GSAP: variants seen among roughly 807,000 people sequenced by gnomAD.
GSAP encodes gamma-secretase-activating protein.
GSAP carries 118 observed loss-of-function variants against 131.7 expected under a neutral mutation model. The observed-to-expected ratio is 0.90, with a 90% CI of 0.77 to 1.04. GSAP has a LOEUF of 1.04. GSAP is among the 50% of genes least tolerant of loss of function. The pLI is 0.00. For missense variants in GSAP, 1,019 were observed against 1,013.2 expected, an observed-to-expected ratio of 1.01 and a Z score of -0.08; for synonymous variants, 381 against 363.4, an observed-to-expected ratio of 1.05 and a Z score of -0.55.
intron 19 of GSAP, among the ~76,000 whole-genome samples, chr7:77,339,506 A>C (rs1790562872): frequency 6.6e-6 from 1 of 152,186 alleles, no homozygotes; most frequent in African/African-American, 2.4e-5. Flanking sequence ...ACAGTGCCTC[A>C]TACTTGTCCT....
At chr7:77,396,164 T>G (rs1336532183) in intron 5 of GSAP, among the ~76,000 whole-genome samples, 1 of 152,000 alleles carries the variant, frequency 6.6e-6, no homozygotes, top group Non-Finnish European at 1.5e-5. Flanking sequence ...CCATGGGGCA[T>G]CCCTACCCTA....
chr7:77,332,272 T>A (rs1789270762), intron 19 of GSAP, among the ~76,000 whole-genome samples: 2 of 152,212 alleles, frequency 1.3e-5, no homozygotes, highest in African/African-American at 2.4e-5. Flanking sequence ...CCTTCCTTCT[T>A]ACTCCATTTA....
In GSAP at chr7:77,329,319, C is replaced by G; in HGVS notation, c.1733+14G>C. On this transcript the variant is annotated intron_variant, in intron 21 of 30. Transcript: ENST00000257626. Reference sequence around the variant, plus strand: ...AACCATCTTACAGATATGATAACCTCTGCTTTCACTTACTTTACTGCATTA... The same window carrying G: ...AACCATCTTACAGATATGATAACCTGTGCTTTCACTTACTTTACTGCATTA... The G allele has an allele frequency of 6.9e-7, 1 of 1,456,794 alleles. No homozygotes were observed. Among genetic ancestry groups the G allele is most frequent in the South Asian group, 1.3e-5 (1 of 76,778 alleles). The allele number at this position is 1,456,794 out of a possible 1,614,324, so 90.2% of individuals were successfully genotyped here.
intron 5 of GSAP, among the ~76,000 whole-genome samples, chr7:77,395,307 C>T (rs763043889): frequency 6.6e-6 from 1 of 152,154 alleles, no homozygotes; most frequent in East Asian, 1.9e-4. Flanking sequence ...CCCACCCTCA[C>T]CACCTCCAGG....
Position 77,353,628 on chromosome 7 carries a change from A to G in GSAP, c.1352T>C (p.Ile451Thr). Residue 451 changes from isoleucine to threonine, a missense_variant, in exon 17 of 31, where the codon ATT (isoleucine) becomes ACT (threonine). Coordinates refer to ENST00000257626, the MANE Select transcript of GSAP (RefSeq NM_017439.4). ...QFLEAQIIQW[I>T]SENVSACHSF... ...ATGGCAGGCAGAGACATTCTCAGAA[A>G]TCCACTGAATAATCTTTAAAAAGTC... 2.5e-6 allele frequency: 4 copies of G among 1,607,492 alleles called. No homozygotes were observed. Among genetic ancestry groups the G allele is most frequent in the Non-Finnish European group, 2.6e-6 (3 of 1,174,816 alleles).
At chr7:77,398,005 A>T (rs779027675) in intron 3 of GSAP, among the ~76,000 whole-genome samples, 1 of 152,126 alleles carries the variant, frequency 6.6e-6, no homozygotes, top group East Asian at 1.9e-4. Flanking sequence ...GTTGTTGTTT[A>T]AAATGTTCAA....
At chr7:77,348,053 C>T (rs975742845) in intron 19 of GSAP, among the ~76,000 whole-genome samples, 3 of 151,040 alleles carry the variant, frequency 2.0e-5, no homozygotes, top group African/African-American at 4.9e-5. Context: ...ACTGTAGTAC[C>T]AACCACTCAG....
chr7:77,338,305 A>G (rs970862508), intron 19 of GSAP, among the ~76,000 whole-genome samples: 6 of 152,212 alleles, frequency 3.9e-5, no homozygotes, highest in Non-Finnish European at 7.3e-5. Context: ...GATACTCTTA[A>G]TGACATTCCT....
chr7:77,361,270 C>T (rs1373016331), intron 13 of GSAP, among the ~76,000 whole-genome samples: 2 of 152,184 alleles, frequency 1.3e-5, no homozygotes, highest in Non-Finnish European at 2.9e-5. Context: ...TCATTAAGAC[C>T]CTCTGAGACT....
At chr7:77,374,183 T>C in intron 11 of GSAP, 28 bp from the exon 12 acceptor site, 1 of 1,150,970 alleles carries the variant, frequency 8.7e-7, no homozygotes, top group Non-Finnish European at 1.3e-6. Flanking sequence ...GAGAAATTAT[T>C]GAATGCATTT....
At chr7:77,377,144 G>C in intron 9 of GSAP, 142 bp downstream of exon 9, 1 of 985,690 alleles carries the variant, frequency 1.0e-6, no homozygotes, top group Non-Finnish European at 1.4e-6. Flanking sequence ...TTGAGCCCAG[G>C]AGTTCAAGGC....
chr7:77,340,679 C>T (rs987365480), intron 19 of GSAP, among the ~76,000 whole-genome samples: 1 of 152,216 alleles, frequency 6.6e-6, no homozygotes, highest in African/African-American at 2.4e-5. Flanking sequence ...GATAGTCTTC[C>T]CTTGGTGTTT....
chr7:77,341,425 C>G (rs760793053), intron 19 of GSAP, among the ~76,000 whole-genome samples: 3 of 152,206 alleles, frequency 2.0e-5, no homozygotes, highest in African/African-American at 4.8e-5. Flanking sequence ...CTCGCCTCCT[C>G]ACACCTGGTC....
At chr7:77,349,667 TAGAG>T (rs142225344) in intron 18 of GSAP, among the ~76,000 whole-genome samples, 16,267 of 152,140 alleles carry the variant, frequency 0.11, 963 homozygotes, top group South Asian at 0.19. Flanking sequence ...TACAAAGAAA[TAGAG>T]AGCAAATAGG....
chr7:77,327,804 T>TTCCAACCTCCCTCCCTCC (rs1447493205), intron 22 of GSAP, among the ~76,000 whole-genome samples: 1 of 152,072 alleles, frequency 6.6e-6, no homozygotes, highest in Non-Finnish European at 1.5e-5. Context: ...GGGGAGCCTC[T>TTCCAACCTCCCTCCCTCC]TCCAACCTCC....
intron 3 of GSAP, among the ~76,000 whole-genome samples, chr7:77,400,514 G>T (rs1184252572): frequency 6.6e-6 from 1 of 152,144 alleles, no homozygotes; most frequent in Non-Finnish European, 1.5e-5. Flanking sequence ...CTCCACTGGG[G>T]TGTCCAAGTA....
intron 5 of GSAP, among the ~76,000 whole-genome samples, chr7:77,393,217 A>G (rs1395131514): frequency 6.6e-6 from 1 of 152,230 alleles, no homozygotes; most frequent in East Asian, 1.9e-4. Context: ...TCTTATAATC[A>G]AATGGCTTGT....
chr7:77,407,802 G>GAC (rs1200341484), intron 1 of GSAP, among the ~76,000 whole-genome samples: 1 of 152,066 alleles, frequency 6.6e-6, no homozygotes, highest in African/African-American at 2.4e-5. Flanking sequence ...TTTAGCAAGG[G>GAC]ACACATAAGA....
chr7:77,330,300 G>A lies in GSAP; in HGVS notation c.1613C>T (p.Pro538Leu). Residue 538 changes from proline (P) to leucine (L), a missense_variant, in exon 20 of 31, where the codon CCA (proline) becomes CTA (leucine). Pro to Leu is a moderately conservative substitution (Grantham distance 98). Transcript: ENST00000257626. Reference protein sequence around the residue: ...SNLEYVKYAKPHFHYNNSVVR... With the variant: ...SNLEYVKYAKLHFHYNNSVVR... ...CACACTGTTGTTATAGTGGAAGTGTGGCTTGGCGTACTTAACATATTCTAG... is the reference window on the plus strand; with the variant it reads ...CACACTGTTGTTATAGTGGAAGTGTAGCTTGGCGTACTTAACATATTCTAG... 6.2e-7 allele frequency: 1 copy of A among 1,613,896 alleles called. No individual in the cohort carries two copies. Among genetic ancestry groups the A allele is most frequent in the Non-Finnish European group, 8.5e-7 (1 of 1,179,846 alleles).
Sources: allele counts gnomAD v4.1 joint callset (sites outside exome capture counted in the v4.1 genomes callset), GRCh38; gene constraint gnomAD v4.1.1; transcripts MANE v1.5; gene names NCBI Gene and HGNC (gene_info 2026-07-23, HGNC 2026-07-21).